The following SNAPC4 variants were observed in gnomAD, a reference collection of about 807,000 sequenced individuals.
SNAPC4 encodes the protein snRNA-activating protein complex subunit 4.
Under a neutral mutation model 151.3 loss-of-function variants are expected in SNAPC4, and 127 were observed. The ratio of observed to expected loss-of-function variants is 0.84; its 90% CI spans 0.73 to 0.97. The LOEUF (loss-of-function observed/expected upper bound fraction) is 0.97. Ranked by LOEUF, SNAPC4 falls within the 50% of genes least tolerant of loss-of-function variation. The probability of loss-of-function intolerance (pLI) is 0.00; values close to 1 mark genes in which losing one functional copy is unlikely to be tolerated. For missense variants in SNAPC4, 2,186 were observed against 1,935.0 expected, an observed-to-expected ratio of 1.13 and a Z score of -2.43; for synonymous variants, 1,002 against 824.4, an observed-to-expected ratio of 1.22 and a Z score of -3.69.
rs1321164137 is a variant in SNAPC4 at position 136,379,104 on chromosome 9, CTGGCACGGGCCTCCT to C, written c.2708_2722del (p.Gln903_Ala907del). The C allele has an allele frequency of 1.9e-6, 3 of 1,561,508 alleles. No homozygotes were observed. The highest frequency in any genetic ancestry group is 2.6e-6 in the Non-Finnish European group (3 of 1,153,704). ...CACCACCGGGCCCCGGGTGGCCTCC[CTGGCACGGGCCTCCT>C]GAAGCCGCTTCTCCTGAAGCAGCTC... is the stretch of plus-strand genomic sequence containing the variant. On this transcript the variant is annotated inframe_deletion, in exon 22 of 24. Coordinates refer to ENST00000684778, the MANE Select transcript of SNAPC4 (RefSeq NM_003086.4).
intron 10 of SNAPC4, among the ~76,000 whole-genome samples, chr9:136,389,544 C>G (rs1200333342): frequency 6.6e-6 from 1 of 152,094 alleles, no homozygotes; most frequent in Non-Finnish European, 1.5e-5. Context: ...ACCACCACCC[C>G]GGGGTGTGCA....
intron 10 of SNAPC4, 106 bp from the exon 11 acceptor site, chr9:136,388,697 G>T: frequency 7.3e-7 from 1 of 1,368,056 alleles, no homozygotes; most frequent in South Asian, 1.3e-5. Flanking sequence ...CCACTGGGGT[G>T]ACCCTTCTGC....
At chr9:136,392,889 C>T in intron 7 of SNAPC4, 112 bp from the exon 8 acceptor site, 1 of 828,958 alleles carries the variant, frequency 1.2e-6, no homozygotes, top group Non-Finnish European at 1.9e-6. Context: ...TTCCGAGCCT[C>T]CCTCACCCTC....
chr9:136,376,113 A>G (rs951977777), intron 23 of SNAPC4, among the ~76,000 whole-genome samples: 2 of 152,182 alleles, frequency 1.3e-5, no homozygotes, highest in Non-Finnish European at 2.9e-5. Flanking sequence ...GCAGGGAATG[A>G]GCCTATGGTC....
Position 136,392,561 on chromosome 9 carries a change from C to A in SNAPC4, c.771G>T (p.Arg257Ser), listed in dbSNP as rs749002738. Residue 257 changes from arginine (R) to serine (S), a missense_variant, in exon 9 of 24, where the codon AGG becomes AGT. Physicochemically the swap from Arg to Ser is moderately radical, Grantham distance 110. Coordinates refer to ENST00000684778, the MANE Select transcript of SNAPC4 (RefSeq NM_003086.4). The stretch of plus-strand genomic sequence containing the variant: ...TCTTCTCCCAGTCGTGGCTGTCCAG[C>A]CTGTTTCCCAGCAAGGCCTCTTCTG... Reference protein sequence around the residue: ...QLPEEALLGNRLDSHDWEKIS... With the variant: ...QLPEEALLGNSLDSHDWEKIS... The A allele has an allele frequency of 1.9e-6, 3 of 1,613,774 alleles. No homozygotes were observed. The highest frequency in any genetic ancestry group is 1.1e-5 in the South Asian group (1 of 91,094).
intron 13 of SNAPC4, among the ~76,000 whole-genome samples, chr9:136,386,220 G>A (rs966133194): frequency 1.8e-4 from 28 of 151,796 alleles, no homozygotes; most frequent in Non-Finnish European, 3.2e-4. Context: ...ATGACTCATG[G>A]CGCCAGGCAT....
Position 136,395,213 on chromosome 9 carries a change from C to T in SNAPC4, c.471+85G>A, listed in dbSNP as rs1446865412. The T allele has an allele frequency of 1.0e-5, 15 of 1,499,638 alleles. No individual in the cohort carries two copies. The East Asian group carries it at 1.1e-4, about 11-fold the overall frequency. 92.9% of individuals were successfully genotyped at this position (1,499,638 alleles called of 1,614,324 possible). On this transcript the variant is annotated intron_variant, in intron 5 of 23. Coordinates refer to ENST00000684778, the MANE Select transcript of SNAPC4 (RefSeq NM_003086.4). ...GTTATCTTGAACTCACAGGAATTCA[C>T]GACTCCCTGCAGCAGGACTTGGGGA...
chr9:136,378,961 C>T lies in SNAPC4; in HGVS notation c.2866G>A (p.Gly956Arg). 1 of 1,609,018 alleles carries T rather than the reference C, an allele frequency of 6.2e-7. No homozygotes were observed. Among genetic ancestry groups the T allele is most frequent in the East Asian group, 2.2e-5 (1 of 44,756 alleles). The change falls in exon 22 of 24, where the codon GGG becomes AGG. Residue 956 changes from glycine (G) to arginine (R), a missense_variant. Transcript: ENST00000684778. ...CCAGGTTTGGCTGCCGCGGGGGCCC[C>T]AGGCCCAGAGAGCGGTACATTTAAG... ...TVLNVPLSGP[G>R]APAAAKPGTS...
chr9:136,395,703 T>C lies in SNAPC4; in HGVS notation c.245A>G (p.Asp82Gly). The C allele has an allele frequency of 6.2e-7, 1 of 1,613,462 alleles. No individual in the cohort carries two copies. The highest frequency in any genetic ancestry group is 8.5e-7 in the Non-Finnish European group (1 of 1,179,972). The change falls in exon 4 of 24, where the codon GAC becomes GGC. Residue 82 changes from aspartate to glycine, a missense_variant. Coordinates refer to ENST00000684778, the MANE Select transcript of SNAPC4 (RefSeq NM_003086.4). ...DDPKDKTLPE[D>G]PETCLQLNMV... Reference sequence around the variant, plus strand: ...GTTCAGCTGCAGGCAGGTTTCTGGGTCTTCAGGGAGGGTTTTATCCTTGGG... The same window carrying C: ...GTTCAGCTGCAGGCAGGTTTCTGGGCCTTCAGGGAGGGTTTTATCCTTGGG...
At chr9:136,389,548 G>C (rs1042338349) in intron 10 of SNAPC4, among the ~76,000 whole-genome samples, 2 of 152,104 alleles carry the variant, frequency 1.3e-5, no homozygotes, top group African/African-American at 4.8e-5. Context: ...CCACCCCGGG[G>C]TGTGCAAGCT....
chr9:136,395,439 G>C lies in SNAPC4; in HGVS notation c.346-16C>G, dbSNP rs1006466195. The C allele has an allele frequency of 6.2e-7, 1 of 1,610,654 alleles. No individual in the cohort carries two copies. Among genetic ancestry groups the C allele is most frequent in the Non-Finnish European group, 8.5e-7 (1 of 1,178,374 alleles). On this transcript the variant is annotated splice_polypyrimidine_tract_variant and intron_variant, in intron 4 of 23. Coordinates refer to ENST00000684778, the MANE Select transcript of SNAPC4 (RefSeq NM_003086.4). Reference sequence around the variant, plus strand: ...TGAGTTCCTCCTGTGACAGACACAAGGCAGGGACCCCTCTATGGACCAGCA... The same window carrying C: ...TGAGTTCCTCCTGTGACAGACACAACGCAGGGACCCCTCTATGGACCAGCA...
In SNAPC4 at chr9:136,378,420, G is replaced by T; in HGVS notation, c.3407C>A (p.Pro1136His). 2 of 1,602,668 alleles carry T rather than the reference G, an allele frequency of 1.2e-6. No individual in the cohort carries two copies. The highest frequency in any genetic ancestry group is 1.7e-6 in the Non-Finnish European group (2 of 1,177,012). The change falls in exon 22 of 24, where the codon CCC becomes CAC. Residue 1136 changes from proline (P) to histidine (H), a missense_variant. Transcript: ENST00000684778. ...CGGTTCCCTGTTCATATTGGCTGGG[G>T]GCTGCCAAGAGCTGCTCAACGCTGG... ...RAPALSSSWQ[P>H]PANMNREPEP...
chr9:136,394,467 G>T, intron 6 of SNAPC4, 137 bp from the exon 7 acceptor site: 1 of 761,708 alleles, frequency 1.3e-6, no homozygotes, highest in Non-Finnish European at 2.3e-6. Flanking sequence ...CTACTGACGT[G>T]GCCCCTCCAC....
At chr9:136,394,549 A>G (rs1834193330) in intron 6 of SNAPC4, among the ~76,000 whole-genome samples, 1 of 152,090 alleles carries the variant, frequency 6.6e-6, no homozygotes, top group African/African-American at 2.4e-5. Context: ...GCGGCCCAAG[A>G]CAAGGGCGGG....
In SNAPC4 at chr9:136,387,722, C is replaced by A; in HGVS notation, c.1230+20G>T. ...GTTACCTTCCCAGAGCCCAGTTCTC[C>A]TAGGGTCCCGCACACTTACAGCATC... On this transcript the variant is annotated intron_variant, in intron 12 of 23. Coordinates refer to ENST00000684778, the MANE Select transcript of SNAPC4 (RefSeq NM_003086.4). 1 of 1,521,974 alleles carries A rather than the reference C, an allele frequency of 6.6e-7. No individual in the cohort carries two copies. Among genetic ancestry groups the A allele is most frequent in the East Asian group, 2.2e-5 (1 of 44,470 alleles). 94.3% of individuals were successfully genotyped at this position (1,521,974 alleles called of 1,614,324 possible). A position where few individuals can be genotyped will look rare whatever the true frequency, so the allele number is the denominator to read the frequency against.
Position 136,382,006 on chromosome 9 carries a change from G to C in SNAPC4, c.2135C>G (p.Ala712Gly), listed in dbSNP as rs763559315. ...CCGTAGCCACTGCACATGGGATCGG[G>C]CCACGCTGTCACCAGAGCTGACCCC... ...SPGVSSGDSV[A>G]RSHVQWLRHR... The change falls in exon 18 of 24, where the codon GCC becomes GGC. Residue 712 changes from alanine (A) to glycine (G), a missense_variant. Coordinates refer to ENST00000684778, the MANE Select transcript of SNAPC4 (RefSeq NM_003086.4). The C allele has an allele frequency of 2.5e-6, 4 of 1,609,562 alleles. No individual in the cohort carries two copies. The African/African-American group carries it at 4.0e-5, about 16-fold the overall frequency.
At chr9:136,385,404 G>A (rs1588751591) in intron 13 of SNAPC4, among the ~76,000 whole-genome samples, 2 of 152,184 alleles carry the variant, frequency 1.3e-5, no homozygotes, top group Non-Finnish European at 2.9e-5. Flanking sequence ...AGCGTTACCC[G>A]GACCGAGCAA....
chr9:136,395,770 C>A lies in SNAPC4; in HGVS notation c.178G>T (p.Glu60Ter). ...CTGGCTTCGCCCCACCTTTCTTCTTCCTGGTAACGAGCCAGAAATGGCATG... is the reference window on the plus strand; with the variant it reads ...CTGGCTTCGCCCCACCTTTCTTCTTACTGGTAACGAGCCAGAAATGGCATG... ...DLDPADPPIS[E>*]EERWGEASND... Residue 60 changes from glutamate to a stop codon, truncating the protein, a stop_gained and splice_region_variant, in exon 4 of 24, where the codon GAA becomes TAA. Coordinates refer to ENST00000684778, the MANE Select transcript of SNAPC4 (RefSeq NM_003086.4). LOFTEE classifies it high-confidence loss of function. 4.4e-6 allele frequency: 7 copies of A among 1,608,854 alleles called. No homozygotes were observed. The highest frequency in any genetic ancestry group is 5.9e-6 in the Non-Finnish European group (7 of 1,176,502).
chr9:136,376,327 G>A (rs763623994), intron 23 of SNAPC4, 22 bp downstream of exon 23: 99 of 1,611,578 alleles, frequency 6.1e-5, no homozygotes, highest in Non-Finnish European at 6.9e-5. Flanking sequence ...GTAGGGCAGT[G>A]GCCTCCCCAC....
Sources: allele counts gnomAD v4.1 joint callset (sites outside exome capture counted in the v4.1 genomes callset), GRCh38; gene constraint gnomAD v4.1.1; transcripts MANE v1.5; gene names NCBI Gene and HGNC (gene_info 2026-07-23, HGNC 2026-07-21).